The following TMEM170B variants were observed in gnomAD, a reference collection of about 807,000 sequenced individuals.
TMEM170B encodes the protein transmembrane protein 170B.
In TMEM170B, 6 loss-of-function variants were observed where a neutral mutation model predicts 13.0. The ratio of observed to expected loss-of-function variants is 0.46; its 90% CI spans 0.25 to 0.91. The LOEUF is 0.91. Among genes scored for constraint, TMEM170B ranks in the 40% least tolerant of loss-of-function variants. The pLI is 0.17. For synonymous variants in TMEM170B, 61 were observed against 64.9 expected, an observed-to-expected ratio of 0.94 and a Z score of 0.29; for missense variants, 138 against 165.2, an observed-to-expected ratio of 0.84 and a Z score of 0.90.
chr6:11,580,438 T>A lies in TMEM170B; in HGVS notation c.*4877T>A, dbSNP rs1487862092. 6.6e-6 allele frequency: 1 copy of A among 152,232 alleles called. No homozygotes were observed. Among genetic ancestry groups the A allele is most frequent in the African/African-American group, 2.4e-5 (1 of 41,468 alleles). The allele number at this position is 152,232 out of a possible 1,614,324, so 9.4% of individuals were successfully genotyped here. A position where few individuals can be genotyped will look rare whatever the true frequency, so the allele number is the denominator to read the frequency against. ...CACTTCACTCTTGACACTACAGATT[T>A]TTCTCTCAGTCTCAATCAGAATCTC... On this transcript the variant is annotated 3_prime_UTR_variant, in exon 3 of 3. Coordinates refer to ENST00000379426, the MANE Select transcript of TMEM170B (RefSeq NM_001100829.3).
intron 1 of TMEM170B, among the ~76,000 whole-genome samples, chr6:11,544,578 C>G (rs972309709): frequency 6.6e-6 from 1 of 152,176 alleles, no homozygotes; most frequent in Non-Finnish European, 1.5e-5. Flanking sequence ...CATTATCTAG[C>G]CAGTTTTAGA....
chr6:11,546,091 C>T (rs1007079929), intron 1 of TMEM170B, among the ~76,000 whole-genome samples: 5 of 148,416 alleles, frequency 3.4e-5, no homozygotes, highest in African/African-American at 1.0e-4. Context: ...CAGAAGAAGA[C>T]GTTGTTACCT....
rs1026932480 is a variant in TMEM170B, at chr6:11,575,700, G to A, written c.*139G>A. 9.7e-7 allele frequency: 1 copy of A among 1,030,706 alleles called. No individual in the cohort carries two copies. The highest frequency in any genetic ancestry group is 1.4e-6 in the Non-Finnish European group (1 of 709,038). The allele number at this position is 1,030,706 out of a possible 1,614,324, so 63.8% of individuals were successfully genotyped here. On this transcript the variant is annotated 3_prime_UTR_variant, in exon 3 of 3. Coordinates refer to ENST00000379426, the MANE Select transcript of TMEM170B (RefSeq NM_001100829.3). The surrounding 1 kb of genome is among the most constrained non-coding windows in gnomAD (Gnocchi z 4.1). ...CAAAGCATAAGGAAGACCTTGAGCT[G>A]TGTGGAAGGATTGCCCTCTGGTGTT...
intron 1 of TMEM170B, among the ~76,000 whole-genome samples, chr6:11,540,786 C>G (rs1300919212): frequency 6.6e-6 from 1 of 152,170 alleles, no homozygotes; most frequent in African/African-American, 2.4e-5. Context: ...TTTTAGCCTT[C>G]TTACACAGTG....
intron 1 of TMEM170B, among the ~76,000 whole-genome samples, chr6:11,549,981 A>G (rs1759502122): frequency 6.6e-6 from 1 of 152,032 alleles, no homozygotes; most frequent in Non-Finnish European, 1.5e-5. Context: ...GTTATCCCAT[A>G]TACTTACATG....
chr6:11,540,019 G>A (rs1355391905), intron 1 of TMEM170B, among the ~76,000 whole-genome samples: 1 of 152,110 alleles, frequency 6.6e-6, no homozygotes, highest in Non-Finnish European at 1.5e-5. Context: ...TGAAAAAAAA[G>A]TACAGACGTT....
At chr6:11,559,276 A>G (rs1759629800) in intron 1 of TMEM170B, among the ~76,000 whole-genome samples, 2 of 150,364 alleles carry the variant, frequency 1.3e-5, no homozygotes, top group Non-Finnish European at 3.0e-5. Flanking sequence ...TGACTGCTGC[A>G]GCCTTGACCT....
chr6:11,574,012 C>T (rs913786083), intron 2 of TMEM170B, among the ~76,000 whole-genome samples: 1 of 152,060 alleles, frequency 6.6e-6, no homozygotes, highest in Non-Finnish European at 1.5e-5. Context: ...CTGAATTCTT[C>T]GTTCTCATTT....
chr6:11,563,018 T>A (rs72836606), intron 1 of TMEM170B, among the ~76,000 whole-genome samples: 13 of 152,274 alleles, frequency 8.5e-5, no homozygotes, highest in Admixed American at 5.9e-4. Context: ...TTAAAAAAAA[T>A]TGGTAAAAAC....
intron 2 of TMEM170B, among the ~76,000 whole-genome samples, chr6:11,569,409 A>G (rs1048606900): frequency 2.6e-5 from 4 of 152,138 alleles, no homozygotes; most frequent in Non-Finnish European, 4.4e-5. Flanking sequence ...ATTTTCTTCT[A>G]TTAATTTTAC....
chr6:11,540,350 A>T (rs1242725048), intron 1 of TMEM170B, among the ~76,000 whole-genome samples: 3 of 152,172 alleles, frequency 2.0e-5, no homozygotes, highest in African/African-American at 7.2e-5. Context: ...TTATCAACCG[A>T]GTTTATCTAA....
intron 1 of TMEM170B, among the ~76,000 whole-genome samples, chr6:11,553,983 A>G (rs1759557212): frequency 6.6e-6 from 1 of 152,068 alleles, no homozygotes; most frequent in South Asian, 2.1e-4. Flanking sequence ...CCTTACAGTT[A>G]GTCTGAATGC....
At chr6:11,572,134 C>A (rs1166559652) in intron 2 of TMEM170B, among the ~76,000 whole-genome samples, 1 of 152,132 alleles carries the variant, frequency 6.6e-6, no homozygotes, top group Non-Finnish European at 1.5e-5. Flanking sequence ...AAGGCCCATA[C>A]CATAGGGCTG....
At chr6:11,545,581 C>A (rs1258237261) in intron 1 of TMEM170B, among the ~76,000 whole-genome samples, 2 of 152,040 alleles carry the variant, frequency 1.3e-5, no homozygotes, top group Admixed American at 1.3e-4. Flanking sequence ...TATGGTGATG[C>A]TGGTGTCAAC....
chr6:11,564,141 G>T (rs1454991852), intron 1 of TMEM170B, among the ~76,000 whole-genome samples: 2 of 151,930 alleles, frequency 1.3e-5, no homozygotes, highest in African/African-American at 4.8e-5. Context: ...ATCCATTCAG[G>T]GACTCTTGAG....
At chr6:11,553,575 C>A (rs777247326) in intron 1 of TMEM170B, among the ~76,000 whole-genome samples, 5 of 152,058 alleles carry the variant, frequency 3.3e-5, no homozygotes, top group Admixed American at 6.5e-5. Context: ...TCATGTATTT[C>A]CCAGGCCTGT....
chr6:11,540,518 C>A (rs149483384), intron 1 of TMEM170B, among the ~76,000 whole-genome samples: 7 of 152,332 alleles, frequency 4.6e-5, no homozygotes, highest in African/African-American at 1.7e-4. Flanking sequence ...GTCACATCTT[C>A]AGGCTCCACT....
At chr6:11,569,715 G>GT (rs894558694) in intron 2 of TMEM170B, among the ~76,000 whole-genome samples, 6 of 152,028 alleles carry the variant, frequency 3.9e-5, no homozygotes, top group Non-Finnish European at 8.8e-5. Context: ...GATTCTATGT[G>GT]TTTTTTTCCC....
chr6:11,544,147 T>G (rs930390211), intron 1 of TMEM170B, among the ~76,000 whole-genome samples: 2 of 152,160 alleles, frequency 1.3e-5, no homozygotes, highest in Non-Finnish European at 2.9e-5. Context: ...CCTACATAGC[T>G]TGTTAACTCA....
Sources: allele counts gnomAD v4.1 joint callset (sites outside exome capture counted in the v4.1 genomes callset), GRCh38; gene constraint gnomAD v4.1.1; non-coding constraint Gnocchi (gnomAD v3.1); transcripts MANE v1.5; gene names NCBI Gene and HGNC (gene_info 2026-07-23, HGNC 2026-07-21).